Variants in CPLX2 observed in about 807,000 individuals in gnomAD.
The protein encoded by CPLX2 is complexin-2.
In CPLX2, 5 loss-of-function variants were observed where a neutral mutation model predicts 16.3. The observed-to-expected ratio is 0.31, with a 90% CI of 0.16 to 0.64. The LOEUF is 0.64. Ranked by LOEUF, CPLX2 falls within the 30% of genes least tolerant of loss-of-function variation. The probability of loss-of-function intolerance (pLI) is 0.79; values close to 1 mark genes in which losing one functional copy is unlikely to be tolerated. For missense variants in CPLX2, 144 were observed against 181.4 expected, an observed-to-expected ratio of 0.79 and a Z score of 1.18; for synonymous variants, 89 against 73.2, an observed-to-expected ratio of 1.22 and a Z score of -1.10.
chr5:175,799,564 A>T (rs899858429), intron 1 of CPLX2, among the ~76,000 whole-genome samples: 1 of 143,840 alleles, frequency 7.0e-6, no homozygotes, highest in African/African-American at 2.6e-5. Context: ...ATATATATAT[A>T]TATATATATA....
intron 2 of CPLX2, among the ~76,000 whole-genome samples, chr5:175,827,264 A>G (rs1758634624): frequency 6.6e-6 from 1 of 152,184 alleles, no homozygotes; most frequent in Non-Finnish European, 1.5e-5. Context: ...CCCTCAACTA[A>G]ACCTCACTGA....
intron 2 of CPLX2, among the ~76,000 whole-genome samples, chr5:175,859,573 G>C (rs1200048245): frequency 6.6e-6 from 1 of 152,252 alleles, no homozygotes; most frequent in Non-Finnish European, 1.5e-5. Flanking sequence ...GCCAGGAACA[G>C]ATGGCACCTG....
At chr5:175,818,429 C>T (rs1581073537) in intron 2 of CPLX2, among the ~76,000 whole-genome samples, 2 of 151,902 alleles carry the variant, frequency 1.3e-5, no homozygotes, top group Admixed American at 6.6e-5. Flanking sequence ...CATGGAAGGG[C>T]GAGTTGTTTT....
intron 2 of CPLX2, among the ~76,000 whole-genome samples, chr5:175,811,536 G>A (rs1758312289): frequency 6.6e-6 from 1 of 152,200 alleles, no homozygotes; most frequent in Admixed American, 6.5e-5. Flanking sequence ...ATGTTGTGAA[G>A]ATGAGGTGCA....
chr5:175,799,680 T>C (rs1482759222), intron 1 of CPLX2, among the ~76,000 whole-genome samples: 1 of 149,330 alleles, frequency 6.7e-6, no homozygotes, highest in African/African-American at 2.5e-5. Flanking sequence ...CATGCCCAGC[T>C]ATTTTTTTTA....
rs558326632 is a variant in CPLX2, at chr5:175,880,333, C to T, written c.*288C>T. On this transcript the variant is annotated 3_prime_UTR_variant, in exon 4 of 4. Coordinates refer to ENST00000393745, the MANE Select transcript of CPLX2 (RefSeq NM_001008220.2). Reference sequence around the variant, plus strand: ...GCCTAAGGTCGTGCTAGTGTGGTGACCCCCATACATTCCTCCCTGCTCCCC... The same window carrying T: ...GCCTAAGGTCGTGCTAGTGTGGTGATCCCCATACATTCCTCCCTGCTCCCC... The T allele has an allele frequency of 9.7e-5, 46 of 474,160 alleles. No homozygotes were observed. The highest frequency in any genetic ancestry group is 9.3e-4 in the South Asian group (46 of 49,628). The allele number at this position is 474,160 out of a possible 1,614,324, so 29.4% of individuals were successfully genotyped here.
intron 2 of CPLX2, among the ~76,000 whole-genome samples, chr5:175,820,978 C>T (rs138242760): frequency 3.9e-5 from 6 of 152,138 alleles, no homozygotes; most frequent in Non-Finnish European, 7.4e-5. Context: ...GGGGATGGTG[C>T]GTCCTTCTCT....
intron 2 of CPLX2, among the ~76,000 whole-genome samples, chr5:175,826,268 A>G (rs969129128): frequency 6.6e-6 from 1 of 152,174 alleles, no homozygotes; most frequent in Non-Finnish European, 1.5e-5. Flanking sequence ...CAGATAGTGT[A>G]GACAGATGCA....
chr5:175,801,436 G>A (rs113358620), intron 1 of CPLX2, among the ~76,000 whole-genome samples: 252 of 152,328 alleles, frequency 1.7e-3, no homozygotes, highest in Middle Eastern at 6.8e-3. Context: ...ATGGATGTGG[G>A]ATTGTATCTG....
intron 1 of CPLX2, among the ~76,000 whole-genome samples, chr5:175,873,953 T>A (rs1759697071): frequency 6.6e-6 from 1 of 152,194 alleles, no homozygotes; most frequent in African/African-American, 2.4e-5. Context: ...CCAGGCATTC[T>A]CAGAAAGATT....
At chr5:175,821,707 C>A (rs2113645643) in intron 2 of CPLX2, among the ~76,000 whole-genome samples, 1 of 152,314 alleles carries the variant, frequency 6.6e-6, no homozygotes, top group East Asian at 1.9e-4. Flanking sequence ...CACGCCCGGC[C>A]CTAAATTTAC....
upstream of CPLX2, among the ~76,000 whole-genome samples, chr5:175,868,567 A>G (rs1038755865): frequency 4.6e-5 from 7 of 152,212 alleles, no homozygotes; most frequent in Admixed American, 1.3e-4. Context: ...CTGTCTACAG[A>G]GCAGGCTCGG....
chr5:175,875,647 T>C (rs1010018897), intron 1 of CPLX2, among the ~76,000 whole-genome samples: 10 of 152,142 alleles, frequency 6.6e-5, no homozygotes, highest in African/African-American at 1.9e-4. Flanking sequence ...AGACCCCTTA[T>C]ACTTTCGCCC....
intron 2 of CPLX2, among the ~76,000 whole-genome samples, chr5:175,856,113 C>T (rs1288070062): frequency 6.6e-6 from 1 of 152,166 alleles, no homozygotes; most frequent in African/African-American, 2.4e-5. Context: ...TAGAAGCAAC[C>T]CTGGTATAGC....
Position 175,880,322 on chromosome 5 carries a change from T to C in CPLX2, c.*277T>C, listed in dbSNP as rs1755551890. 2 of 496,312 alleles carry C rather than the reference T, an allele frequency of 4.0e-6. No homozygotes were observed. Among genetic ancestry groups the C allele is most frequent in the African/African-American group, 3.9e-5 (2 of 51,426 alleles). 30.7% of individuals were successfully genotyped at this position (496,312 alleles called of 1,614,324 possible). A position where few individuals can be genotyped will look rare whatever the true frequency, so the allele number is the denominator to read the frequency against. Reference sequence around the variant, plus strand: ...CCCCTCAGGAAGCCTAAGGTCGTGCTAGTGTGGTGACCCCCATACATTCCT... The same window carrying C: ...CCCCTCAGGAAGCCTAAGGTCGTGCCAGTGTGGTGACCCCCATACATTCCT... On this transcript the variant is annotated 3_prime_UTR_variant, in exon 4 of 4. Coordinates refer to ENST00000393745, the MANE Select transcript of CPLX2 (RefSeq NM_001008220.2).
intron 2 of CPLX2, among the ~76,000 whole-genome samples, chr5:175,847,699 G>A (rs1759073987): frequency 6.6e-6 from 1 of 152,180 alleles, no homozygotes. Flanking sequence ...GAAGGCGGCT[G>A]CAGAACCTGC....
chr5:175,867,727 C>T (rs956011585), upstream of CPLX2, among the ~76,000 whole-genome samples: 22 of 152,054 alleles, frequency 1.4e-4, no homozygotes, highest in African/African-American at 2.9e-4. Context: ...CCCTGCCACA[C>T]GCTGATGATG....
In CPLX2 at chr5:175,809,579, T is replaced by C. The variant is rs1435382254; in HGVS notation, c.-89+511T>C. ...TCACTGTCAGATCCTGTGCTTTTTC[T>C]GCTGAGCCACGGCTTCCTGCACTGA... On this transcript the variant is annotated intron_variant, in intron 2 of 4. Transcript: ENST00000359546. The surrounding 1 kb of genome is among the most constrained non-coding windows in gnomAD (Gnocchi z 4.4). Among the ~76,000 whole-genome samples the C allele has an allele frequency of 6.6e-6, 1 of 152,180 alleles. No individual in the cohort carries two copies. The highest frequency in any genetic ancestry group is 1.5e-5 in the Non-Finnish European group (1 of 68,028).
At chr5:175,837,630 C>A (rs896215160) in intron 2 of CPLX2, 1 of 151,670 alleles carries the variant, frequency 6.6e-6, no homozygotes, top group Non-Finnish European at 1.5e-5. Flanking sequence ...TCCATCTCTA[C>A]TCAGCTGGAT....
Sources: allele counts gnomAD v4.1 joint callset (sites outside exome capture counted in the v4.1 genomes callset), GRCh38; gene constraint gnomAD v4.1.1; non-coding constraint Gnocchi (gnomAD v3.1); transcripts MANE v1.5; gene names NCBI Gene and HGNC (gene_info 2026-07-23, HGNC 2026-07-21).